BEND7: variants seen among roughly 807,000 people sequenced by gnomAD.
BEND7 encodes BEN domain containing 7, also known as BEN domain-containing protein 7.
BEND7 carries 28 observed loss-of-function variants against 50.9 expected under a neutral mutation model. The ratio of observed to expected loss-of-function variants is 0.55; its 90% CI spans 0.41 to 0.75. The LOEUF is 0.75. Among genes scored for constraint, BEND7 ranks in the 30% least tolerant of loss-of-function variants. The pLI, the probability that BEND7 is intolerant of heterozygous loss-of-function variation, is 0.00. For synonymous variants in BEND7, 170 were observed against 183.9 expected, an observed-to-expected ratio of 0.92 and a Z score of 0.61; for missense variants, 477 against 491.3, an observed-to-expected ratio of 0.97 and a Z score of 0.28.
chr10:13,463,647 T>A (rs1011262352), intron 6 of BEND7, among the ~76,000 whole-genome samples: 1 of 151,616 alleles, frequency 6.6e-6, no homozygotes, highest in East Asian at 1.9e-4. Context: ...GAAAAAAAAA[T>A]AAAAGGATAT....
At chr10:13,505,920 G>A (rs940832993) in intron 2 of BEND7, among the ~76,000 whole-genome samples, 5 of 152,108 alleles carry the variant, frequency 3.3e-5, no homozygotes, top group Admixed American at 6.5e-5. Context: ...ACAGAATGAA[G>A]TCCAGAACGC....
At chr10:13,474,824 G>A (rs540735995) in intron 6 of BEND7, among the ~76,000 whole-genome samples, 57 of 152,332 alleles carry the variant, frequency 3.7e-4, no homozygotes, top group Middle Eastern at 3.4e-3. Flanking sequence ...GACTCTGGTC[G>A]ATACTCATCA....
chr10:13,501,413 C>G (rs944870677), intron 2 of BEND7, among the ~76,000 whole-genome samples: 15 of 148,968 alleles, frequency 1.0e-4, no homozygotes, highest in African/African-American at 3.7e-4. Flanking sequence ...AAAATATTTT[C>G]TATCAATAAT....
Position 13,441,420 on chromosome 10 carries a change from T to C in BEND7, c.*323A>G. 4 of 1,164,492 alleles carry C rather than the reference T, an allele frequency of 3.4e-6. No individual in the cohort carries two copies. Among genetic ancestry groups the C allele is most frequent in the Non-Finnish European group, 4.2e-6 (4 of 945,632 alleles). 72.1% of individuals were successfully genotyped at this position (1,164,492 alleles called of 1,614,324 possible). ...TTTGCTGTTGCAGTTTTGATACGTA[T>C]TTCCAGTGTGTAGATCCGTTCATCG... is the stretch of plus-strand genomic sequence containing the variant. On this transcript the variant is annotated 3_prime_UTR_variant, in exon 9 of 9. Coordinates refer to ENST00000466271, the MANE Select transcript of BEND7 (RefSeq NM_001369863.1).
chr10:13,472,138 G>A (rs910754988), intron 6 of BEND7, among the ~76,000 whole-genome samples: 3 of 151,182 alleles, frequency 2.0e-5, no homozygotes, highest in South Asian at 2.1e-4. Context: ...ACCCATCATC[G>A]CTCTTAGACT....
At position 13,528,697 on chromosome 10, in the gene BEND7, A is replaced by G. The variant is rs2079572027; in HGVS notation, c.-164T>C. 1.1e-5 allele frequency: 2 copies of G among 189,586 alleles called. No homozygotes were observed. Among genetic ancestry groups the G allele is most frequent in the Non-Finnish European group, 1.9e-5 (2 of 105,760 alleles). 11.7% of individuals were successfully genotyped at this position (189,586 alleles called of 1,614,324 possible). ...GAGGGGAGGCCGCGGGACGGGAGGA[A>G]CCACCGCGAGCCGGCTCGGGGCTGC... On this transcript the variant is annotated 5_prime_UTR_variant, in exon 1 of 9. Coordinates refer to ENST00000466271, the MANE Select transcript of BEND7 (RefSeq NM_001369863.1).
chr10:13,493,028 G>A, intron 4 of BEND7, 152 bp from the exon 5 acceptor site: 1 of 962,262 alleles, frequency 1.0e-6, no homozygotes, highest in South Asian at 1.9e-5. Context: ...TGGACCTAAA[G>A]GTTACCAAAC....
chr10:13,501,872 G>T (rs533101695), intron 2 of BEND7, among the ~76,000 whole-genome samples: 85 of 151,982 alleles, frequency 5.6e-4, no homozygotes, highest in African/African-American at 2.0e-3. Flanking sequence ...TTAGGCCAGG[G>T]TATGTGTGTG....
intron 6 of BEND7, among the ~76,000 whole-genome samples, chr10:13,457,044 C>T (rs1839130993): frequency 6.6e-6 from 1 of 152,176 alleles, no homozygotes; most frequent in African/African-American, 2.4e-5. Context: ...ATGTGTACTA[C>T]AAAAATGACT....
At chr10:13,491,455 T>C (rs2076654431) in intron 5 of BEND7, among the ~76,000 whole-genome samples, 1 of 152,082 alleles carries the variant, frequency 6.6e-6, no homozygotes, top group Non-Finnish European at 1.5e-5. Context: ...TATGATATCA[T>C]TGCATGAGCT....
At chr10:13,492,397 G>A (rs759361915) in intron 5 of BEND7, among the ~76,000 whole-genome samples, 9 of 152,068 alleles carry the variant, frequency 5.9e-5, no homozygotes, top group Non-Finnish European at 1.0e-4. Context: ...TCCTCCTTTC[G>A]GAGACAAAAA....
intron 6 of BEND7, among the ~76,000 whole-genome samples, chr10:13,472,862 G>T (rs928409696): frequency 3.3e-5 from 5 of 150,250 alleles, no homozygotes; most frequent in Admixed American, 6.6e-5. Flanking sequence ...TAGACTCGGG[G>T]TCGATACCCA....
chr10:13,516,446 C>G (rs1381777954), intron 2 of BEND7, among the ~76,000 whole-genome samples: 1 of 152,186 alleles, frequency 6.6e-6, no homozygotes, highest in African/African-American at 2.4e-5. Flanking sequence ...AGAAAACAGG[C>G]TGGGCGCGGT....
At chr10:13,479,606 C>A (rs2075711204) in intron 6 of BEND7, among the ~76,000 whole-genome samples, 1 of 152,242 alleles carries the variant, frequency 6.6e-6, no homozygotes, top group African/African-American at 2.4e-5. Flanking sequence ...TTCTTCACTT[C>A]AGGAAGTCCT....
intron 2 of BEND7, among the ~76,000 whole-genome samples, chr10:13,521,421 T>A (rs2079069972): frequency 6.6e-6 from 1 of 152,140 alleles, no homozygotes; most frequent in Non-Finnish European, 1.5e-5. Context: ...CACAGCAAGC[T>A]CTGGGTAAAT....
intron 7 of BEND7, among the ~76,000 whole-genome samples, chr10:13,451,296 C>T (rs1406373734): frequency 6.6e-6 from 1 of 151,754 alleles, no homozygotes; most frequent in Non-Finnish European, 1.5e-5. Flanking sequence ...TCAAGTGATC[C>T]TCCCATCTTA....
At chr10:13,472,746 C>G (rs1282388315) in intron 6 of BEND7, among the ~76,000 whole-genome samples, 2 of 151,052 alleles carry the variant, frequency 1.3e-5, no homozygotes, top group Non-Finnish European at 2.9e-5. Flanking sequence ...GGGCCAATAT[C>G]TGTCATCACT....
chr10:13,514,228 A>T (rs1369318220), intron 2 of BEND7, among the ~76,000 whole-genome samples: 1 of 152,264 alleles, frequency 6.6e-6, no homozygotes, highest in Non-Finnish European at 1.5e-5. Context: ...ACTGGCTTCA[A>T]TAAATATCTA....
At chr10:13,454,372 A>T (rs1838452423) in intron 6 of BEND7, among the ~76,000 whole-genome samples, 1 of 152,136 alleles carries the variant, frequency 6.6e-6, no homozygotes, top group South Asian at 2.1e-4. Flanking sequence ...TTATGAGGCT[A>T]AGGTGGGGGG....
Sources: gnomAD v4.1 joint callset for allele counts (sites outside exome capture counted in the v4.1 genomes callset) on GRCh38, gnomAD v4.1.1 for gene constraint, MANE v1.5 for transcripts, NCBI Gene and HGNC (gene_info 2026-07-23, HGNC 2026-07-21) for gene names.